Variants in PPT1 observed in about 807,000 individuals in gnomAD.
PPT1 encodes ceroid-palmitoyl-palmitoyl-protein thioesterase 1.
In PPT1, 24 loss-of-function variants were observed where a neutral mutation model predicts 44.0. The ratio of observed to expected loss-of-function variants is 0.54; its 90% CI spans 0.39 to 0.77. The LOEUF (loss-of-function observed/expected upper bound fraction) is 0.77. PPT1 is among the 30% of genes least tolerant of loss of function. The pLI, the probability that PPT1 is intolerant of heterozygous loss-of-function variation, is 0.00. For synonymous variants in PPT1, 148 were observed against 140.2 expected (o/e 1.06, Z -0.39); for missense variants, 341 against 378.8 (o/e 0.90, Z 0.83).
intron 5 of PPT1, among the ~76,000 whole-genome samples, chr1:40,086,142 T>C (rs1374262946): frequency 6.6e-6 from 1 of 152,188 alleles, no homozygotes; most frequent in Non-Finnish European, 1.5e-5. Context: ...AAGCTCTAGC[T>C]TCCTCTGAGC....
intron 6 of PPT1, among the ~76,000 whole-genome samples, chr1:40,079,223 T>C (rs1048894205): frequency 6.6e-6 from 1 of 152,138 alleles, no homozygotes. Context: ...ATGTACCACA[T>C]TTTCTCTATC....
chr1:40,087,919 G>A (rs1649348753), intron 5 of PPT1, among the ~76,000 whole-genome samples: 1 of 152,240 alleles, frequency 6.6e-6, no homozygotes, highest in Middle Eastern at 3.4e-3. Flanking sequence ...CAGCTTTGTG[G>A]CTATTTGTGT....
rs1398080802 is a variant in PPT1 at position 40,078,558 on chromosome 1, A to G, written c.726+2T>C. The G allele has an allele frequency of 6.2e-7, 1 of 1,612,742 alleles. No homozygotes were observed. On this transcript the variant is annotated splice_donor_variant, in intron 7 of 8. Coordinates refer to ENST00000642050, the MANE Select transcript of PPT1 (RefSeq NM_000310.4). LOFTEE classifies it high-confidence loss of function. The stretch of plus-strand genomic sequence containing the variant: ...TGGCATGTGGCCTAAGTAGTGTCTC[A>G]CCTCCGAATCTACAGGGTCCACAAT...
At chr1:40,085,415 G>T (rs1463633792) in intron 5 of PPT1, among the ~76,000 whole-genome samples, 8 of 152,024 alleles carry the variant, frequency 5.3e-5, no homozygotes, top group Admixed American at 5.2e-4. Context: ...GCGCAGCCTG[G>T]CATTCGGGGC....
At chr1:40,093,655 G>A (rs1389698753) in intron 1 of PPT1, among the ~76,000 whole-genome samples, 3 of 152,096 alleles carry the variant, frequency 2.0e-5, no homozygotes, top group African/African-American at 2.4e-5. Flanking sequence ...GGGAGGCCGA[G>A]GTGGGTGGAT....
At chr1:40,090,447 T>TAC (rs1415523575) in intron 4 of PPT1, among the ~76,000 whole-genome samples, 2 of 151,800 alleles carry the variant, frequency 1.3e-5, no homozygotes, top group East Asian at 3.9e-4. Context: ...TGTGTATATA[T>TAC]ATGTCTATGT....
At chr1:40,077,061 A>C in intron 7 of PPT1, 148 bp from the exon 8 acceptor site, 2 of 961,032 alleles carry the variant, frequency 2.1e-6, no homozygotes, top group Non-Finnish European at 3.2e-6. Context: ...GGTGCGTCTG[A>C]GTCATCTCTT....
intron 7 of PPT1, among the ~76,000 whole-genome samples, chr1:40,077,822 G>A (rs555292051): frequency 3.9e-4 from 59 of 152,302 alleles, no homozygotes; most frequent in African/African-American, 1.4e-3. Context: ...GAGAGAAAAA[G>A]CACAAGTAGT....
intron 5 of PPT1, among the ~76,000 whole-genome samples, chr1:40,084,584 G>A (rs1193831734): frequency 6.6e-6 from 1 of 152,174 alleles, no homozygotes; most frequent in African/African-American, 2.4e-5. Flanking sequence ...TGGGCAGCAG[G>A]CCACCCAGGT....
At chr1:40,078,497 C>T (rs191266566) in intron 7 of PPT1, 63 bp downstream of exon 7, 26 of 1,514,308 alleles carry the variant, frequency 1.7e-5, no homozygotes, top group East Asian at 1.1e-4. Flanking sequence ...CCACCGTGCC[C>T]GGCCAGCAGC....
chr1:40,092,619 T>C lies in PPT1; in HGVS notation c.125-112A>G, dbSNP rs548607054. The C allele has an allele frequency of 9.6e-4, 845 of 883,222 alleles. 12 individuals carry two copies. In the South Asian group the frequency reaches 0.011, roughly 12 times the overall value. The allele number at this position is 883,222 out of a possible 1,614,324, so 54.7% of individuals were successfully genotyped here. On this transcript the variant is annotated intron_variant, in intron 1 of 8. Transcript: ENST00000642050. ...AAGGATGTGAAAACAATGTATAGAA[T>C]GGAAGAAAATATTTGCAAAACAGTT...
intron 5 of PPT1, among the ~76,000 whole-genome samples, chr1:40,086,688 T>A (rs1649280566): frequency 6.6e-6 from 1 of 150,728 alleles, no homozygotes; most frequent in African/African-American, 2.4e-5. Context: ...ACTGAGACAA[T>A]CTCCTAACAG....
Position 40,097,155 on chromosome 1 carries a change from G to C in PPT1, c.84C>G (p.Asp28Glu), listed in dbSNP as rs1228014012. 2 of 1,614,102 alleles carry C rather than the reference G, an allele frequency of 1.2e-6. No homozygotes were observed. Among genetic ancestry groups the C allele is most frequent in the Non-Finnish European group, 1.7e-6 (2 of 1,179,992 alleles). Residue 28 changes from aspartate to glutamate, a missense_variant, in exon 1 of 9, where the codon GAC (aspartate) becomes GAG (glutamate). Physicochemically the swap from Asp to Glu is conservative, Grantham distance 45. Coordinates refer to ENST00000642050, the MANE Select transcript of PPT1 (RefSeq NM_000310.4). ...TCASRALQHL[D>E]PPAPLPLVIW... ...TCACCAACGGCAGCGGCGCCGGCGGGTCCAGATGCTGCAGCGCCCGAGAAG... is the reference window on the plus strand; with the variant it reads ...TCACCAACGGCAGCGGCGCCGGCGGCTCCAGATGCTGCAGCGCCCGAGAAG...
Position 40,073,935 on chromosome 1 carries a change from G to T in PPT1, c.*126C>A, listed in dbSNP as rs1385469978. Reference sequence around the variant, plus strand: ...TCTTAGATCTTTCCAAGTAGGGCATGTTAGATGATAGAAGGATTAGTTGCA... The same window carrying T: ...TCTTAGATCTTTCCAAGTAGGGCATTTTAGATGATAGAAGGATTAGTTGCA... On this transcript the variant is annotated 3_prime_UTR_variant, in exon 9 of 9. Transcript: ENST00000642050. 1.6e-6 allele frequency: 2 copies of T among 1,274,636 alleles called. No individual in the cohort carries two copies. Among genetic ancestry groups the T allele is most frequent in the South Asian group, 1.2e-5 (1 of 83,040 alleles). 79.0% of individuals were successfully genotyped at this position (1,274,636 alleles called of 1,614,324 possible).
chr1:40,094,269 GATC>G (rs895499609), intron 1 of PPT1, among the ~76,000 whole-genome samples: 29 of 152,276 alleles, frequency 1.9e-4, no homozygotes, highest in South Asian at 1.0e-3. Context: ...TTCCACCTCA[GATC>G]ATCAGGCATT....
At chr1:40,091,847 A>T (rs1649579353) in intron 3 of PPT1, among the ~76,000 whole-genome samples, 198 bp downstream of exon 3, 1 of 151,026 alleles carries the variant, frequency 6.6e-6, no homozygotes, top group South Asian at 2.1e-4. Flanking sequence ...CCTGGGCAAC[A>T]AGAGAGAAAT....
At chr1:40,096,172 C>T (rs1472755171) in intron 1 of PPT1, among the ~76,000 whole-genome samples, 1 of 152,158 alleles carries the variant, frequency 6.6e-6, no homozygotes, top group Admixed American at 6.5e-5. Flanking sequence ...TCTTTCCCAA[C>T]TTTGCTTTAT....
intron 5 of PPT1, among the ~76,000 whole-genome samples, chr1:40,080,999 T>A (rs182228093): frequency 6.6e-6 from 1 of 152,266 alleles, no homozygotes; most frequent in Admixed American, 6.5e-5. Context: ...CTGTTCAGCA[T>A]AGTACAGAAA....
chr1:40,079,211 AT>A (rs1648794299), intron 6 of PPT1, among the ~76,000 whole-genome samples: 1 of 152,084 alleles, frequency 6.6e-6, no homozygotes, highest in Non-Finnish European at 1.5e-5. Context: ...TCCATGGTGT[AT>A]ATGTACCACA....
Sources: gnomAD v4.1 joint callset for allele counts (sites outside exome capture counted in the v4.1 genomes callset) on GRCh38, gnomAD v4.1.1 for gene constraint, MANE v1.5 for transcripts, NCBI Gene and HGNC (gene_info 2026-07-23, HGNC 2026-07-21) for gene names.